The following EFNA3 variants were observed in gnomAD, a reference collection of about 807,000 sequenced individuals.
EFNA3 encodes ephrin A3, also known as ephrin-A3.
EFNA3 carries 15 observed loss-of-function variants against 25.0 expected under a neutral mutation model. The ratio of observed to expected loss-of-function variants is 0.60; its 90% confidence interval spans 0.40 to 0.92. The LOEUF is 0.92. Among genes scored for constraint, EFNA3 ranks in the 40% least tolerant of loss-of-function variants. EFNA3 has a pLI of 0.00. For synonymous variants in EFNA3, 153 were observed against 145.6 expected (o/e 1.05, Z -0.37); for missense variants, 298 against 323.8 (o/e 0.92, Z 0.61).
At position 155,086,116 on chromosome 1, in the gene EFNA3, C is replaced by G; in HGVS notation, c.509-12C>G. The stretch of plus-strand genomic sequence containing the variant: ...TCCCCTCCTCTCTCCCCACCCGCAC[C>G]CCACCCCGCAGCATCGCACTCCGGG... On this transcript the variant is annotated splice_polypyrimidine_tract_variant and intron_variant, in intron 3 of 4. Transcript: ENST00000368408. The G allele has an allele frequency of 6.2e-7, 1 of 1,608,056 alleles. No individual in the cohort carries two copies. Among genetic ancestry groups the G allele is most frequent in the Non-Finnish European group, 8.5e-7 (1 of 1,175,740 alleles).
At chr1:155,083,635 C>T (rs773223395) in intron 1 of EFNA3, among the ~76,000 whole-genome samples, 12 of 152,184 alleles carry the variant, frequency 7.9e-5, no homozygotes, top group Non-Finnish European at 8.8e-5. Flanking sequence ...GTGGAGGGGA[C>T]AGCACAAGCA....
At chr1:155,084,027 G>T (rs1001855059) in intron 1 of EFNA3, among the ~76,000 whole-genome samples, 4 of 152,230 alleles carry the variant, frequency 2.6e-5, no homozygotes, top group African/African-American at 9.6e-5. Context: ...ATGGTGACTA[G>T]CAAGGCAGGT....
At chr1:155,083,950 A>G (rs1419622993) in intron 1 of EFNA3, among the ~76,000 whole-genome samples, 1 of 152,190 alleles carries the variant, frequency 6.6e-6, no homozygotes, top group African/African-American at 2.4e-5. Context: ...TTCTTTCTCC[A>G]TTCAGAGGTT....
At position 155,085,862 on chromosome 1, in the gene EFNA3, C is replaced by T. The variant is rs1318734904; in HGVS notation, c.443-15C>T. ...ACATTGGGCGAAAGTGACTCAGGCC[C>T]GGTCTCCTCCCCAGCCACGCCCACT... is the stretch of plus-strand genomic sequence containing the variant. On this transcript the variant is annotated splice_polypyrimidine_tract_variant and intron_variant, in intron 2 of 4. Transcript: ENST00000368408. This position sits in a 1 kb window ranked among gnomAD's most constrained non-coding sequence, Gnocchi z 4.4. 6.8e-6 allele frequency: 11 copies of T among 1,612,444 alleles called. No homozygotes were observed. In the Admixed American group the frequency reaches 1.3e-4, roughly 20 times the overall value.
Position 155,086,578 on chromosome 1 carries a change from C to A in EFNA3, c.*35C>A, listed in dbSNP as rs1489099865. The A allele has an allele frequency of 2.5e-6, 4 of 1,609,548 alleles. No individual in the cohort carries two copies. In the East Asian group the frequency reaches 8.9e-5, roughly 36 times the overall value. On this transcript the variant is annotated 3_prime_UTR_variant, in exon 5 of 5. Coordinates refer to ENST00000368408, the MANE Select transcript of EFNA3 (RefSeq NM_004952.5). ...CTCCCCTGGGGGGGGAGAGATGGGG[C>A]GGGGCTTGGAAGGAGCAGGGAGCCT... is the stretch of plus-strand genomic sequence containing the variant.
Position 155,085,497 on chromosome 1 carries a change from G to A in EFNA3, c.442+93G>A. ...CCCTAGGCTCCGGGGCGGGGCCGGC[G>A]CGGCGGGCGCCAGGTCTCGCGGCTG... is the stretch of plus-strand genomic sequence containing the variant. On this transcript the variant is annotated intron_variant, in intron 2 of 4. Coordinates refer to ENST00000368408, the MANE Select transcript of EFNA3 (RefSeq NM_004952.5). The surrounding 1 kb of genome is among the most constrained non-coding windows in gnomAD (Gnocchi z 4.4). 1 of 1,413,062 alleles carries A rather than the reference G, an allele frequency of 7.1e-7. No individual in the cohort carries two copies. The highest frequency in any genetic ancestry group is 9.4e-7 in the Non-Finnish European group (1 of 1,068,838). 87.5% of individuals were successfully genotyped at this position (1,413,062 alleles called of 1,614,324 possible). A position where few individuals can be genotyped will look rare whatever the true frequency, so the allele number is the denominator to read the frequency against.
rs962262807 is a variant in EFNA3, at chr1:155,080,351, C to G, written c.128+1282C>G. Among the ~76,000 whole-genome samples, 14 of 152,300 alleles carry G rather than the reference C, an allele frequency of 9.2e-5. No homozygotes were observed. Among genetic ancestry groups the G allele is most frequent in the African/African-American group, 3.1e-4 (13 of 41,584 alleles). ...GCGCCTCCCCCTCTCTCCCTCCTCG[C>G]GCCCGGAGTGTCAGACTGGGGGTGG... On this transcript the variant is annotated intron_variant, in intron 1 of 4. Coordinates refer to ENST00000368408, the MANE Select transcript of EFNA3 (RefSeq NM_004952.5). The surrounding 1 kb of genome is among the most constrained non-coding windows in gnomAD (Gnocchi z 7.0).
chr1:155,081,235 C>T lies in EFNA3; in HGVS notation c.128+2166C>T, dbSNP rs1420532503. On this transcript the variant is annotated intron_variant, in intron 1 of 4. Coordinates refer to ENST00000368408, the MANE Select transcript of EFNA3 (RefSeq NM_004952.5). This position sits in a 1 kb window ranked among gnomAD's most constrained non-coding sequence, Gnocchi z 5.2. ...CCCCACTCAGTACTTCCATTTAGTC[C>T]CGTGGAACAGGAGAGACCTGTTCCC... 6.6e-6 allele frequency among the ~76,000 whole-genome samples: 1 copy of T among 152,194 alleles called. No individual in the cohort carries two copies. Among genetic ancestry groups the T allele is most frequent in the East Asian group, 1.9e-4 (1 of 5,190 alleles).
Position 155,081,724 on chromosome 1 carries a change from C to G in EFNA3, c.128+2655C>G, listed in dbSNP as rs1328229110. ...CTGGCCTGCCTGTCTCTCCTGTTCTCCAAGACTCTCGGTTCTCGTTCTCTT... is the reference window on the plus strand; with the variant it reads ...CTGGCCTGCCTGTCTCTCCTGTTCTGCAAGACTCTCGGTTCTCGTTCTCTT... On this transcript the variant is annotated intron_variant, in intron 1 of 4. Transcript: ENST00000368408. This position sits in a 1 kb window ranked among gnomAD's most constrained non-coding sequence, Gnocchi z 5.2. Among the ~76,000 whole-genome samples the G allele has an allele frequency of 3.3e-5, 5 of 152,116 alleles. No homozygotes were observed. Among genetic ancestry groups the G allele is most frequent in the Non-Finnish European group, 5.9e-5 (4 of 68,010 alleles).
intron 1 of EFNA3, among the ~76,000 whole-genome samples, chr1:155,083,445 G>C (rs1262554490): frequency 1.3e-5 from 2 of 152,242 alleles, no homozygotes; most frequent in Non-Finnish European, 2.9e-5. Context: ...CGCAGGCCGA[G>C]GCTCCTGCCC....
In EFNA3 at chr1:155,079,108, A is replaced by C; in HGVS notation, c.128+39A>C. The C allele has an allele frequency of 7.9e-7, 1 of 1,269,454 alleles. No homozygotes were observed. Among genetic ancestry groups the C allele is most frequent in the Non-Finnish European group, 1.0e-6 (1 of 997,166 alleles). The allele number at this position is 1,269,454 out of a possible 1,614,324, so 78.6% of individuals were successfully genotyped here. A position where few individuals can be genotyped will look rare whatever the true frequency, so the allele number is the denominator to read the frequency against. On this transcript the variant is annotated intron_variant, in intron 1 of 4. Coordinates refer to ENST00000368408, the MANE Select transcript of EFNA3 (RefSeq NM_004952.5). The surrounding 1 kb of genome is among the most constrained non-coding windows in gnomAD (Gnocchi z 7.7). The stretch of plus-strand genomic sequence containing the variant: ...CCTGGGAGTCCGCGCGTCCCGTCTC[A>C]GTGAGAGGGGGAGCCGGTGGGCCCG...
Position 155,086,123 on chromosome 1 carries a change from C to A in EFNA3, c.509-5C>A, listed in dbSNP as rs762231186. 15 of 1,611,416 alleles carry A rather than the reference C, an allele frequency of 9.3e-6. No individual in the cohort carries two copies. In the African/African-American group the frequency reaches 1.7e-4, roughly 19 times the overall value. ...CTCTCTCCCCACCCGCACCCCACCC[C>A]GCAGCATCGCACTCCGGGGAGAAGC... On this transcript the variant is annotated splice_region_variant and splice_polypyrimidine_tract_variant and intron_variant, in intron 3 of 4. Coordinates refer to ENST00000368408, the MANE Select transcript of EFNA3 (RefSeq NM_004952.5).
Position 155,086,886 on chromosome 1 carries a change from A to C in EFNA3, c.*343A>C. The stretch of plus-strand genomic sequence containing the variant: ...CCTCTCCCTTTGTCCCCCCAGAGAG[A>C]CATATGCCCCCAGAGAGAGCAAATC... On this transcript the variant is annotated 3_prime_UTR_variant, in exon 5 of 5. Coordinates refer to ENST00000368408, the MANE Select transcript of EFNA3 (RefSeq NM_004952.5). 3.9e-6 allele frequency: 1 copy of C among 255,988 alleles called. No individual in the cohort carries two copies. The highest frequency in any genetic ancestry group is 1.0e-4 in the East Asian group (1 of 9,890). The allele number at this position is 255,988 out of a possible 1,614,324, so 15.9% of individuals were successfully genotyped here. A position where few individuals can be genotyped will look rare whatever the true frequency, so the allele number is the denominator to read the frequency against.
chr1:155,081,075 G>A lies in EFNA3; in HGVS notation c.128+2006G>A, dbSNP rs1055167072. On this transcript the variant is annotated intron_variant, in intron 1 of 4. Transcript: ENST00000368408. The surrounding 1 kb of genome is among the most constrained non-coding windows in gnomAD (Gnocchi z 5.2). ...CTGGCTCCCACCTCCCGTCACGTGC[G>A]GAGGGTCTCTGCCCCTTGGGGTCAC... 6.6e-6 allele frequency among the ~76,000 whole-genome samples: 1 copy of A among 152,196 alleles called. No individual in the cohort carries two copies. The highest frequency in any genetic ancestry group is 1.5e-5 in the Non-Finnish European group (1 of 68,022).
Position 155,085,698 on chromosome 1 carries a change from A to G in EFNA3, c.443-179A>G. ...GGATCCCAGTTTCTTGAGGGGTGGG[A>G]CCAAAGGGGCGTCTAGGGCCGACGG... On this transcript the variant is annotated intron_variant, in intron 2 of 4. Coordinates refer to ENST00000368408, the MANE Select transcript of EFNA3 (RefSeq NM_004952.5). This position sits in a 1 kb window ranked among gnomAD's most constrained non-coding sequence, Gnocchi z 4.4. 1 of 738,712 alleles carries G rather than the reference A, an allele frequency of 1.4e-6. No individual in the cohort carries two copies. Among genetic ancestry groups the G allele is most frequent in the Non-Finnish European group, 2.2e-6 (1 of 456,144 alleles). 45.8% of individuals were successfully genotyped at this position (738,712 alleles called of 1,614,324 possible).
rs1229725456 is a variant in EFNA3 at position 155,087,352 on chromosome 1, C to T, written c.*809C>T. 2 of 152,818 alleles carry T rather than the reference C, an allele frequency of 1.3e-5. No homozygotes were observed. Among genetic ancestry groups the T allele is most frequent in the Non-Finnish European group, 2.9e-5 (2 of 68,126 alleles). 9.5% of individuals were successfully genotyped at this position (152,818 alleles called of 1,614,324 possible). On this transcript the variant is annotated 3_prime_UTR_variant, in exon 5 of 5. Transcript: ENST00000368408. Reference sequence around the variant, plus strand: ...ACAGGACCTATGCAACGCACAGACACTTTTGGAGACCGTAAAACAACAACG... The same window carrying T: ...ACAGGACCTATGCAACGCACAGACATTTTTGGAGACCGTAAAACAACAACG...
chr1:155,082,401 A>ACCT (rs1663359330), intron 1 of EFNA3, among the ~76,000 whole-genome samples: 1 of 152,086 alleles, frequency 6.6e-6, no homozygotes, highest in Non-Finnish European at 1.5e-5. Context: ...CACCCTGTTT[A>ACCT]CCTGCCCTAA....
rs978312203 is a variant in EFNA3, at chr1:155,085,371, G to A, written c.409G>A (p.Glu137Lys). 1 of 1,611,068 alleles carries A rather than the reference G, an allele frequency of 6.2e-7. No homozygotes were observed. Among genetic ancestry groups the A allele is most frequent in the Non-Finnish European group, 8.5e-7 (1 of 1,178,422 alleles). ...CTACAGCGCCTTCTCTCTGGGCTAC[G>A]AGTTCCACGCCGGCCACGAGTACTA... is the stretch of plus-strand genomic sequence containing the variant. ...QRYSAFSLGY[E>K]FHAGHEYYYI... Residue 137 changes from glutamate (E) to lysine (K), a missense_variant, in exon 2 of 5, where the codon GAG becomes AAG. By Grantham distance (56) the Glu-to-Lys change is moderately conservative. Coordinates refer to ENST00000368408, the MANE Select transcript of EFNA3 (RefSeq NM_004952.5). The surrounding 1 kb of genome is among the most constrained non-coding windows in gnomAD (Gnocchi z 4.4).
intron 4 of EFNA3, 49 bp downstream of exon 4, chr1:155,086,254 C>T (rs767057841): frequency 1.2e-6 from 2 of 1,603,460 alleles, no homozygotes; most frequent in Non-Finnish European, 8.5e-7. Context: ...ACCGCAGCCC[C>T]CCGCCCCGGT....
Sources: gnomAD v4.1 joint callset for allele counts (sites outside exome capture counted in the v4.1 genomes callset) on GRCh38, gnomAD v4.1.1 for gene constraint, Gnocchi (gnomAD v3.1) non-coding constraint, MANE v1.5 for transcripts, NCBI Gene and HGNC (gene_info 2026-07-23, HGNC 2026-07-21) for gene names.